C19orf81: variants seen among roughly 807,000 people sequenced by gnomAD.
C19orf81 encodes the protein chromosome 19 open reading frame 81, also known as putative uncharacterized protein C19orf81.
In C19orf81, 19 loss-of-function variants were observed where a neutral mutation model predicts 22.1. The ratio of observed to expected loss-of-function variants is 0.86; its 90% CI spans 0.60 to 1.26. C19orf81 has a LOEUF of 1.26. C19orf81 is among the 50% of genes most tolerant of loss of function. The probability of loss-of-function intolerance (pLI) is 0.00; values close to 1 mark genes in which losing one functional copy is unlikely to be tolerated. For synonymous variants in C19orf81, 108 were observed against 113.1 expected, an observed-to-expected ratio of 0.95 and a Z score of 0.29; for missense variants, 287 against 280.7, an observed-to-expected ratio of 1.02 and a Z score of -0.16.
chr19:50,657,149 G>C (rs1402075435), intron 3 of C19orf81, among the ~76,000 whole-genome samples: 1 of 152,078 alleles, frequency 6.6e-6, no homozygotes, highest in African/African-American at 2.4e-5. Flanking sequence ...GAGAAGAGCT[G>C]ATGTCAATAG....
chr19:50,651,094 C>G (rs1984869716), intron 1 of C19orf81, among the ~76,000 whole-genome samples: 1 of 152,214 alleles, frequency 6.6e-6, no homozygotes, highest in East Asian at 1.9e-4. Context: ...CCCCTGGGTC[C>G]CAAGCATTTT....
intron 1 of C19orf81, among the ~76,000 whole-genome samples, chr19:50,650,656 G>T (rs915386424): frequency 2.0e-5 from 3 of 152,186 alleles, no homozygotes; most frequent in African/African-American, 7.2e-5. Flanking sequence ...GGGTGATGGA[G>T]GGAGACTCTG....
At position 50,659,184 on chromosome 19, in the gene C19orf81, G is replaced by A. The variant is rs901223388; in HGVS notation, c.*42G>A. Reference sequence around the variant, plus strand: ...GGCAGCGCTTGCGCACCGCCCCGCGGGCTGGGGCCACCCACCCGGAGCCCC... The same window carrying A: ...GGCAGCGCTTGCGCACCGCCCCGCGAGCTGGGGCCACCCACCCGGAGCCCC... On this transcript the variant is annotated 3_prime_UTR_variant, in exon 5 of 5. Coordinates refer to ENST00000425202, the MANE Select transcript of C19orf81 (RefSeq NM_001195076.2). 1 of 1,271,756 alleles carries A rather than the reference G, an allele frequency of 7.9e-7. No homozygotes were observed. Among genetic ancestry groups the A allele is most frequent in the Non-Finnish European group, 9.9e-7 (1 of 1,009,522 alleles). The allele number at this position is 1,271,756 out of a possible 1,614,324, so 78.8% of individuals were successfully genotyped here.
chr19:50,649,747 C>A, intron 1 of C19orf81: 2 of 642,702 alleles, frequency 3.1e-6, no homozygotes, highest in Non-Finnish European at 5.8e-6. Context: ...ACTACATTTC[C>A]CATGAGCCTC....
chr19:50,655,876 G>A (rs758484856), intron 1 of C19orf81, among the ~76,000 whole-genome samples, 174 bp from the exon 2 acceptor site: 1 of 152,194 alleles, frequency 6.6e-6, no homozygotes, highest in Non-Finnish European at 1.5e-5. Context: ...CTCAACCCAG[G>A]CATCACAGAG....
chr19:50,651,256 C>T (rs1023283028), intron 1 of C19orf81, among the ~76,000 whole-genome samples: 6 of 152,182 alleles, frequency 3.9e-5, no homozygotes, highest in Non-Finnish European at 7.3e-5. Flanking sequence ...GAAGTTCTTG[C>T]AGGTGACTCT....
At chr19:50,654,550 G>A (rs1984950414) in intron 1 of C19orf81, among the ~76,000 whole-genome samples, 1 of 151,870 alleles carries the variant, frequency 6.6e-6, no homozygotes, top group African/African-American at 2.4e-5. Context: ...GCCCGCTTCA[G>A]CCTCCCAAAG....
chr19:50,658,226 G>A (rs1191817991), intron 4 of C19orf81, 98 bp downstream of exon 4: 3 of 1,236,752 alleles, frequency 2.4e-6, no homozygotes, highest in East Asian at 2.6e-5. Flanking sequence ...GCTGAGGGAC[G>A]TGGCCAAGAG....
intron 1 of C19orf81, chr19:50,649,928 A>G (rs1226513182): frequency 2.3e-6 from 1 of 438,940 alleles, no homozygotes; most frequent in Non-Finnish European, 4.6e-6. Context: ...TCCACCTCCC[A>G]CAATTCCCTC....
intron 1 of C19orf81, among the ~76,000 whole-genome samples, chr19:50,650,481 C>T (rs566598091): frequency 3.9e-4 from 59 of 152,314 alleles, no homozygotes; most frequent in Non-Finnish European, 6.6e-4. Flanking sequence ...GCCAGCCAGC[C>T]TGGCCAACAT....
intron 1 of C19orf81, among the ~76,000 whole-genome samples, chr19:50,655,533 C>T (rs998793349): frequency 1.3e-5 from 2 of 151,990 alleles, no homozygotes; most frequent in African/African-American, 4.8e-5. Context: ...CCTGTAGTCT[C>T]AGCTACTCGG....
At chr19:50,649,715 T>G in intron 1 of C19orf81, 3 of 687,268 alleles carry the variant, frequency 4.4e-6, no homozygotes, top group South Asian at 1.5e-5. Context: ...TGCAGTTCCT[T>G]GGCCAATGCC....
chr19:50,649,944 G>T, intron 1 of C19orf81: 1 of 427,228 alleles, frequency 2.3e-6, no homozygotes, highest in Admixed American at 2.5e-5. Context: ...CCCTCCCACA[G>T]CCCATCAGGC....
In C19orf81 at chr19:50,654,365, C is replaced by A. The variant is rs565134497; in HGVS notation, c.68-1685C>A. Reference sequence around the variant, plus strand: ...TCGCCCAGGCTGGAGTGCAGTGGCGCAATCTTGGCTCACTGCAACCTCTGC... The same window carrying A: ...TCGCCCAGGCTGGAGTGCAGTGGCGAAATCTTGGCTCACTGCAACCTCTGC... On this transcript the variant is annotated intron_variant, in intron 1 of 4. Transcript: ENST00000425202. 1.8e-4 allele frequency among the ~76,000 whole-genome samples: 28 copies of A among 152,106 alleles called. No individual in the cohort carries two copies. The South Asian group carries it at 5.6e-3, about 30-fold the overall frequency.
rs934294189 is a variant in C19orf81 at position 50,651,939 on chromosome 19, A to G, written c.67+2428A>G. Among the ~76,000 whole-genome samples the G allele has an allele frequency of 2.0e-5, 3 of 152,146 alleles. No individual in the cohort carries two copies. In the South Asian group the frequency reaches 6.2e-4, roughly 32 times the overall value. On this transcript the variant is annotated intron_variant, in intron 1 of 4. Transcript: ENST00000425202. ...TCACATGCATCTTTGATGCTGCTAG[A>G]GTTACTTTTTGATTCATTTAACGCT...
At chr19:50,653,227 T>C (rs7257934) in intron 1 of C19orf81, among the ~76,000 whole-genome samples, 124,537 of 151,898 alleles carry the variant, frequency 0.82, 51,759 homozygotes, top group South Asian at 0.89. Context: ...TTAGTAGAGA[T>C]GGGATCTCAC....
chr19:50,653,344 G>A (rs1984918431), intron 1 of C19orf81, among the ~76,000 whole-genome samples: 1 of 152,000 alleles, frequency 6.6e-6, no homozygotes, highest in Admixed American at 6.6e-5. Flanking sequence ...CGGCCACAGT[G>A]GAAAGTATTT....
chr19:50,659,032 GTGCGCCA>G lies in C19orf81; in HGVS notation c.488_494del (p.Val163AlafsTer79). ...TCCCCGCGGGCTTGCGCACCAGATC[GTGCGCCA>G]CGACGACCTCCTGCTGGGCGACTAC... On this transcript the variant is annotated frameshift_variant, in exon 5 of 5. Coordinates refer to ENST00000425202, the MANE Select transcript of C19orf81 (RefSeq NM_001195076.2). LOFTEE classifies it high-confidence loss of function. 6.5e-7 allele frequency: 1 copy of G among 1,529,206 alleles called. No homozygotes were observed. The highest frequency in any genetic ancestry group is 8.7e-7 in the Non-Finnish European group (1 of 1,143,320). 94.7% of individuals were successfully genotyped at this position (1,529,206 alleles called of 1,614,324 possible). A position where few individuals can be genotyped will look rare whatever the true frequency, so the allele number is the denominator to read the frequency against.
intron 1 of C19orf81, among the ~76,000 whole-genome samples, chr19:50,653,895 T>C (rs892303328): frequency 4.6e-5 from 7 of 151,944 alleles, no homozygotes; most frequent in South Asian, 2.1e-4. Context: ...CTTCATCTCA[T>C]TGGGAACCAG....
Sources: gnomAD v4.1 joint callset for allele counts (sites outside exome capture counted in the v4.1 genomes callset) on GRCh38, gnomAD v4.1.1 for gene constraint, MANE v1.5 for transcripts, NCBI Gene and HGNC (gene_info 2026-07-23, HGNC 2026-07-21) for gene names.